Variants in LMF1 observed in about 807,000 individuals in gnomAD.
LMF1 encodes lipase maturation factor 1.
In LMF1, 68 loss-of-function variants were observed where a neutral mutation model predicts 60.6. The ratio of observed to expected loss-of-function variants is 1.12; its 90% CI spans 0.92 to 1.37. The LOEUF is 1.37. Ranked by LOEUF, LMF1 falls within the 40% of genes most tolerant of loss-of-function variation. The probability of loss-of-function intolerance (pLI) is 0.00; values close to 1 mark genes in which losing one functional copy is unlikely to be tolerated. For synonymous variants in LMF1, 418 were observed against 324.7 expected (o/e 1.29, Z -3.09); for missense variants, 948 against 767.2 (o/e 1.24, Z -2.78).
At chr16:856,358 GAA>G (rs1339595712) in intron 10 of LMF1, among the ~76,000 whole-genome samples, 5 of 152,228 alleles carry the variant, frequency 3.3e-5, no homozygotes, top group African/African-American at 1.2e-4. Context: ...GCAGCAGACT[GAA>G]GGGACGGGCT....
At chr16:869,225 G>C (rs1567151227) in intron 9 of LMF1, 169 bp from the exon 10 acceptor site, 6 of 664,120 alleles carry the variant, frequency 9.0e-6, no homozygotes, top group Non-Finnish European at 1.6e-5. Flanking sequence ...GGGGCTGCCT[G>C]CTTCGTGTAG....
At chr16:854,972 C>T in intron 10 of LMF1, 1 of 558,208 alleles carries the variant, frequency 1.8e-6, no homozygotes, top group Admixed American at 3.1e-5. Context: ...CCAGCAGGGC[C>T]CACTTGGCAG....
Position 870,042 on chromosome 16 carries a change from C to A in LMF1, c.1257G>T (p.Val419=), listed in dbSNP as rs1481600106. The change falls in exon 9 of 11, where the codon GTG becomes GTT. Residue 419 remains valine (V), a synonymous_variant. Transcript: ENST00000262301. The part of the protein sequence containing the change: ...FGSITKERAE[V]ILQGTASSNA... Reference sequence around the variant, plus strand: ...TGGAGCTGGCTGTGCCCTGCAGGATCACCTCCGCCCGCTCCTTGGTGATGC... The same window carrying A: ...TGGAGCTGGCTGTGCCCTGCAGGATAACCTCCGCCCGCTCCTTGGTGATGC... The A allele has an allele frequency of 6.2e-7, 1 of 1,610,790 alleles. No homozygotes were observed. The highest frequency in any genetic ancestry group is 1.7e-5 in the Admixed American group (1 of 59,968).
chr16:951,953 C>A (rs769004668), intron 2 of LMF1, among the ~76,000 whole-genome samples: 1 of 152,220 alleles, frequency 6.6e-6, no homozygotes, highest in Admixed American at 6.5e-5. Flanking sequence ...CACAAACAGC[C>A]ACAAGCATTG....
intron 5 of LMF1, among the ~76,000 whole-genome samples, chr16:888,674 C>T (rs192530323): frequency 9.8e-4 from 150 of 152,318 alleles, no homozygotes; most frequent in Non-Finnish European, 1.4e-3. Flanking sequence ...GCATTCTGGA[C>T]GGCGCCCGTC....
Position 953,039 on chromosome 16 carries a change from C to G in LMF1, c.503+1318G>C, listed in dbSNP as rs1351310297. 2.7e-3 allele frequency among the ~76,000 whole-genome samples: 128 copies of G among 47,562 alleles called. 3 individuals are homozygous for G. Among genetic ancestry groups the G allele is most frequent in the African/African-American group, 0.018 (91 of 5,132 alleles). The allele number at this position is 47,562 out of a possible 152,430, so 31.2% of individuals were successfully genotyped here. A position where few individuals can be genotyped will look rare whatever the true frequency, so the allele number is the denominator to read the frequency against. On this transcript the variant is annotated intron_variant, in intron 2 of 10. Coordinates refer to ENST00000262301, the MANE Select transcript of LMF1 (RefSeq NM_022773.4). ...CTCCTACATATCCACACAGACACCC[C>G]AAACCAGCCTCCTACACGTCCACAC...
chr16:946,124 T>C (rs2072232915), intron 2 of LMF1, among the ~76,000 whole-genome samples: 4 of 152,190 alleles, frequency 2.6e-5, no homozygotes. Context: ...CGGAGCTGGC[T>C]TCAGCTGTGG....
rs2069268618 is a variant in LMF1, at chr16:858,155, TCGGGATGGGTGTGCGTGGTGTCA to T, written c.1530-3472_1530-3450del. On this transcript the variant is annotated intron_variant, in intron 10 of 10. Coordinates refer to ENST00000262301, the MANE Select transcript of LMF1 (RefSeq NM_022773.4). Reference sequence around the variant, plus strand: ...TCACGGGATGGGTGTGAGTGGTGTCTCGGGATGGGTGTGCGTGGTGTCACGGGATGGGTGTGAGTGGTGTCTCG... The same window carrying T: ...TCACGGGATGGGTGTGAGTGGTGTCTCGGGATGGGTGTGAGTGGTGTCTCG... Among the ~76,000 whole-genome samples the T allele has an allele frequency of 2.9e-4, 4 of 13,768 alleles. 1 individual carries two copies. The highest frequency in any genetic ancestry group is 3.2e-4 in the Non-Finnish European group (3 of 9,484). 9.0% of individuals were successfully genotyped at this position (13,768 alleles called of 152,430 possible).
intron 4 of LMF1, chr16:900,681 A>ATGTGTGTGTGTGTGTGTGTG (rs139778716): frequency 1.7e-4 from 15 of 90,808 alleles, no homozygotes; most frequent in Admixed American, 1.1e-3. Context: ...GCTAATTTTT[A>ATGTGTGTGTGTGTGTGTGTG]TGTGTGTGTG....
At chr16:892,730 A>G (rs2070526115) in intron 5 of LMF1, among the ~76,000 whole-genome samples, 1 of 152,190 alleles carries the variant, frequency 6.6e-6, no homozygotes, top group African/African-American at 2.4e-5. Context: ...AGGCCTGGGC[A>G]GGACCAAGGA....
chr16:958,925 A>G (rs780839808), intron 1 of LMF1, among the ~76,000 whole-genome samples: 16 of 152,068 alleles, frequency 1.1e-4, no homozygotes, highest in Non-Finnish European at 1.9e-4. Flanking sequence ...AAACACGAAC[A>G]TGGACAGTGC....
chr16:937,936 G>A (rs1310854938), intron 2 of LMF1, among the ~76,000 whole-genome samples: 2 of 151,578 alleles, frequency 1.3e-5, no homozygotes, highest in Admixed American at 6.6e-5. Flanking sequence ...CCTGAACCAC[G>A]CCCAGGTTCC....
intron 1 of LMF1, chr16:977,022 CG>C (rs765156098): frequency 3.1e-4 from 142 of 454,186 alleles, no homozygotes; most frequent in Middle Eastern, 2.1e-3. Context: ...ACCAGGAGGA[CG>C]TCTGGGCTGC....
At chr16:901,651 T>C (rs1042339947) in intron 4 of LMF1, 1 of 152,174 alleles carries the variant, frequency 6.6e-6, no homozygotes, top group Non-Finnish European at 1.5e-5. Flanking sequence ...ACGGGGGAAA[T>C]GCTCCAGGGC....
At chr16:883,338 A>G (rs1269165172) in intron 5 of LMF1, among the ~76,000 whole-genome samples, 89 of 123,190 alleles carry the variant, frequency 7.2e-4, no homozygotes, top group Middle Eastern at 0.014. Context: ...CCGCCCAGCG[A>G]AGCCCATCAC....
chr16:977,367 C>G (rs551218082), intron 1 of LMF1, among the ~76,000 whole-genome samples: 1 of 152,294 alleles, frequency 6.6e-6, no homozygotes, highest in South Asian at 2.1e-4. Context: ...CGAACCCCTC[C>G]TCTCCCCTGG....
At chr16:940,996 G>A (rs1405750410) in intron 2 of LMF1, among the ~76,000 whole-genome samples, 1 of 152,134 alleles carries the variant, frequency 6.6e-6, no homozygotes, top group Non-Finnish European at 1.5e-5. Context: ...GTGCCTTTAT[G>A]TCTTTATGAT....
intron 3 of LMF1, among the ~76,000 whole-genome samples, chr16:913,123 C>T (rs1013098060): frequency 6.6e-6 from 1 of 152,252 alleles, no homozygotes; most frequent in Non-Finnish European, 1.5e-5. Flanking sequence ...TGGGCGCCAG[C>T]ATCTGCACGC....
intron 10 of LMF1, among the ~76,000 whole-genome samples, chr16:860,620 T>TG (rs1412925306): frequency 3.3e-5 from 5 of 152,132 alleles, no homozygotes; most frequent in African/African-American, 1.2e-4. Flanking sequence ...GGATTACAGA[T>TG]GTGGGCCACC....
Sources: gnomAD v4.1 joint callset for allele counts (sites outside exome capture counted in the v4.1 genomes callset) on GRCh38, gnomAD v4.1.1 for gene constraint, MANE v1.5 for transcripts, NCBI Gene and HGNC (gene_info 2026-07-23, HGNC 2026-07-21) for gene names.